SULF1: variants seen among roughly 807,000 people sequenced by gnomAD.
SULF1 encodes the protein sulfatase 1.
A neutral mutation model predicts 110.5 loss-of-function variants in SULF1; 46 were observed. The ratio of observed to expected loss-of-function variants is 0.42; its 90% confidence interval spans 0.33 to 0.53. SULF1 has a LOEUF of 0.53. Ranked by LOEUF, SULF1 falls within the 20% of genes least tolerant of loss-of-function variation. SULF1 has a pLI of 0.12. For missense variants in SULF1, 941 were observed against 1,094.2 expected (o/e 0.86, Z 1.98); for synonymous variants, 371 against 387.1 (o/e 0.96, Z 0.49).
rs1399213888 is a variant in SULF1, at chr8:69,627,871, G to T, written c.2042+5G>T. The T allele has an allele frequency of 5.6e-6, 9 of 1,606,714 alleles. No individual in the cohort carries two copies. Among genetic ancestry groups the T allele is most frequent in the Admixed American group, 5.0e-5 (3 of 59,482 alleles). ...ATGTAGCTGCAGTAAACAAAGGTGA[G>T]CTTGTTTCCATCCATGCTCCACTTT... is the stretch of plus-strand genomic sequence containing the variant. On this transcript the variant is annotated splice_donor_5th_base_variant and intron_variant, in intron 17 of 22. Coordinates refer to ENST00000402687, the MANE Select transcript of SULF1 (RefSeq NM_001128205.2).
intron 10 of SULF1, 31 bp from the exon 11 acceptor site, chr8:69,603,161 A>G: frequency 6.2e-7 from 1 of 1,612,402 alleles, no homozygotes; most frequent in Admixed American, 1.7e-5. Context: ...CTGGCATTGG[A>G]TCTCAGCCAT....
intron 22 of SULF1, chr8:69,642,482 C>G: frequency 1.3e-6 from 1 of 794,582 alleles, no homozygotes; most frequent in Non-Finnish European, 1.5e-6. Flanking sequence ...CTGTGTCACT[C>G]CCAGCACACA....
At chr8:69,640,186 G>GA (rs397782625) in intron 21 of SULF1, among the ~76,000 whole-genome samples, 79,288 of 148,150 alleles carry the variant, frequency 0.54, 21,833 homozygotes, top group Middle Eastern at 0.61. Context: ...AAAGAGAAAA[G>GA]AAAGAAAGAG....
At chr8:69,650,168 A>T (rs1812223512) in intron 22 of SULF1, among the ~76,000 whole-genome samples, 4 of 151,056 alleles carry the variant, frequency 2.6e-5, no homozygotes, top group African/African-American at 7.3e-5. Flanking sequence ...GCTAATTTTT[A>T]AAAATTTATT....
chr8:69,596,811 T>G (rs1807374826), intron 8 of SULF1, among the ~76,000 whole-genome samples: 1 of 152,132 alleles, frequency 6.6e-6, no homozygotes, highest in African/African-American at 2.4e-5. Context: ...AATGAGCTAT[T>G]AAGGGATAAG....
chr8:69,482,587 T>C (rs771153635), intron 1 of SULF1, among the ~76,000 whole-genome samples: 2 of 151,836 alleles, frequency 1.3e-5, no homozygotes, highest in South Asian at 2.1e-4. Context: ...TTTGTATATA[T>C]AGAGAGAGAG....
chr8:69,504,041 G>A (rs1203604402), intron 3 of SULF1, among the ~76,000 whole-genome samples: 2 of 151,770 alleles, frequency 1.3e-5, no homozygotes, highest in Non-Finnish European at 2.9e-5. Context: ...CTCGTGATCT[G>A]CCAGCCTCAG....
In SULF1 at chr8:69,551,102, CCA is replaced by C. The variant is rs1814675233; in HGVS notation, c.-133-12434_-133-12433del. Among the ~76,000 whole-genome samples the C allele has an allele frequency of 3.3e-5, 5 of 152,270 alleles. No homozygotes were observed. In the South Asian group the frequency reaches 1.0e-3, roughly 32 times the overall value. ...GAGGAGGCTATAGGTGATGAAAGGC[CCA>C]CAGGGGGCGATTGGCAGATACGGCT... On this transcript the variant is annotated intron_variant, in intron 3 of 22. Transcript: ENST00000402687.
chr8:69,643,000 C>CA (rs1554598079), intron 22 of SULF1, among the ~76,000 whole-genome samples: 2 of 152,014 alleles, frequency 1.3e-5, no homozygotes, highest in Non-Finnish European at 2.9e-5. Context: ...TTACCTGTTG[C>CA]TTTTTTTTTC....
chr8:69,600,754 G>A lies in SULF1; in HGVS notation c.885+1G>A. On this transcript the variant is annotated splice_donor_variant, in intron 9 of 22. Transcript: ENST00000402687. LOFTEE classifies it high-confidence loss of function. Reference sequence around the variant, plus strand: ...GTCAGTGGATGATTCTGTGGAGAGGGTAAGCACATGAACCTACCTCAGTGA... The same window carrying A: ...GTCAGTGGATGATTCTGTGGAGAGGATAAGCACATGAACCTACCTCAGTGA... 1 of 1,613,412 alleles carries A rather than the reference G, an allele frequency of 6.2e-7. No homozygotes were observed. Among genetic ancestry groups the A allele is most frequent in the Non-Finnish European group, 8.5e-7 (1 of 1,179,626 alleles).
chr8:69,514,790 C>CAA (rs1811810875), intron 3 of SULF1, among the ~76,000 whole-genome samples: 1 of 152,180 alleles, frequency 6.6e-6, no homozygotes, highest in African/African-American at 2.4e-5. Context: ...AAATCAGCCA[C>CAA]AACAAAAGAG....
chr8:69,467,338 T>C (rs1160615031), intron 1 of SULF1, among the ~76,000 whole-genome samples: 1 of 152,224 alleles, frequency 6.6e-6, no homozygotes, highest in Non-Finnish European at 1.5e-5. Context: ...TTTATAAAGA[T>C]TCTTTGAAGG....
intron 3 of SULF1, among the ~76,000 whole-genome samples, chr8:69,542,960 C>T (rs1252797207): frequency 5.9e-5 from 9 of 152,152 alleles, no homozygotes; most frequent in Admixed American, 5.2e-4. Context: ...GAAATGGCCC[C>T]GCTTGTGAGA....
At chr8:69,483,335 C>T (rs1425824894) in intron 1 of SULF1, among the ~76,000 whole-genome samples, 1 of 152,074 alleles carries the variant, frequency 6.6e-6, no homozygotes, top group East Asian at 1.9e-4. Context: ...TTTCACTGAC[C>T]TTATTTTATT....
chr8:69,535,057 ATG>A lies in SULF1; in HGVS notation c.-133-28480_-133-28479del, dbSNP rs1813345478. 3.9e-5 allele frequency among the ~76,000 whole-genome samples: 6 copies of A among 152,344 alleles called. No individual in the cohort carries two copies. The South Asian group carries it at 1.2e-3, about 32-fold the overall frequency. The stretch of plus-strand genomic sequence containing the variant: ...ACTGTCCTAGGCAAGCAACAAGACA[ATG>A]TCTGGGCTCACAAATGATAATTCCA... On this transcript the variant is annotated intron_variant, in intron 3 of 22. Coordinates refer to ENST00000402687, the MANE Select transcript of SULF1 (RefSeq NM_001128205.2).
At chr8:69,515,880 T>C (rs1811889877) in intron 3 of SULF1, among the ~76,000 whole-genome samples, 1 of 152,220 alleles carries the variant, frequency 6.6e-6, no homozygotes, top group Non-Finnish European at 1.5e-5. Context: ...TGCTAAAGCA[T>C]AGCAAGAGTG....
intron 13 of SULF1, among the ~76,000 whole-genome samples, chr8:69,609,064 C>T (rs191091750): frequency 6.6e-6 from 1 of 152,124 alleles, no homozygotes; most frequent in East Asian, 1.9e-4. Context: ...GGGCCGAGCA[C>T]GGCAGCTTAT....
At chr8:69,542,398 C>T (rs1482686746) in intron 3 of SULF1, among the ~76,000 whole-genome samples, 6 of 150,906 alleles carry the variant, frequency 4.0e-5, no homozygotes, top group East Asian at 3.9e-4. Context: ...GCATCAAGTG[C>T]AATGTGTGTC....
chr8:69,535,105 G>C (rs1813348304), intron 3 of SULF1, among the ~76,000 whole-genome samples: 1 of 152,242 alleles, frequency 6.6e-6, no homozygotes, highest in South Asian at 2.1e-4. Flanking sequence ...AAAGCATGCT[G>C]CAGTTGGGGC....
Sources: allele counts gnomAD v4.1 joint callset (sites outside exome capture counted in the v4.1 genomes callset), GRCh38; gene constraint gnomAD v4.1.1; transcripts MANE v1.5; gene names NCBI Gene and HGNC (gene_info 2026-07-23, HGNC 2026-07-21).